GABBR2: variants seen among roughly 807,000 people sequenced by gnomAD.
GABBR2 encodes G-protein coupled receptor 51.
Under a neutral mutation model 105.6 loss-of-function variants are expected in GABBR2, and 23 were observed. The ratio of observed to expected loss-of-function variants is 0.22; its 90% CI spans 0.16 to 0.31. GABBR2 has a LOEUF of 0.31. GABBR2 is among the 10% of genes least tolerant of loss of function. GABBR2 has a pLI of 1.00. For missense variants in GABBR2, 734 were observed against 1,245.5 expected, an observed-to-expected ratio of 0.59 and a Z score of 6.18; for synonymous variants, 478 against 499.7, an observed-to-expected ratio of 0.96 and a Z score of 0.58.
rs540589757 is a variant in GABBR2, at chr9:98,339,787, C to G, written c.1893+22928G>C. 3.3e-5 allele frequency among the ~76,000 whole-genome samples: 5 copies of G among 152,284 alleles called. No homozygotes were observed. In the South Asian group the frequency reaches 8.3e-4, roughly 25 times the overall value. On this transcript the variant is annotated intron_variant, in intron 13 of 18. Transcript: ENST00000259455. The stretch of plus-strand genomic sequence containing the variant: ...TGAATGAAACACAACCCTCCCTCCC[C>G]CTGTATTCTCATGGAGCTCACATTC...
intron 13 of GABBR2, among the ~76,000 whole-genome samples, chr9:98,342,382 C>T (rs893318294): frequency 2.0e-5 from 3 of 152,142 alleles, no homozygotes; most frequent in East Asian, 3.9e-4. Flanking sequence ...AGAGATAAGG[C>T]TAGGGAGGCG....
chr9:98,333,768 T>C (rs80200747), intron 13 of GABBR2, among the ~76,000 whole-genome samples: 6,025 of 152,304 alleles, frequency 0.04, 158 homozygotes, highest in Middle Eastern at 0.044. Context: ...CTAACCTAAC[T>C]TCACACAGTA....
At chr9:98,658,219 G>A (rs529722770) in intron 1 of GABBR2, among the ~76,000 whole-genome samples, 12 of 152,230 alleles carry the variant, frequency 7.9e-5, no homozygotes, top group African/African-American at 2.6e-4. Context: ...CACCACGGGC[G>A]GTTTCCACTG....
intron 1 of GABBR2, among the ~76,000 whole-genome samples, chr9:98,648,080 G>GTGTGTGTGTGTGTGTGTGT (rs1830050203): frequency 4.4e-5 from 3 of 67,976 alleles, no homozygotes; most frequent in African/African-American, 1.9e-4. Flanking sequence ...AATCATACAG[G>GTGTGTGTGTGTGTGTGTGT]GTGTGTGTGT....
chr9:98,490,680 T>C (rs1266858342), intron 4 of GABBR2, among the ~76,000 whole-genome samples: 3 of 152,200 alleles, frequency 2.0e-5, no homozygotes, highest in African/African-American at 7.2e-5. Flanking sequence ...AATGGAAATA[T>C]GAATATAGGG....
At chr9:98,307,041 A>G (rs946354272) in intron 14 of GABBR2, among the ~76,000 whole-genome samples, 8 of 152,188 alleles carry the variant, frequency 5.3e-5, no homozygotes, top group Non-Finnish European at 1.2e-4. Context: ...CTTAGATCAC[A>G]AGGCTATGAC....
intron 2 of GABBR2, among the ~76,000 whole-genome samples, chr9:98,564,706 G>C (rs1238481116): frequency 2.6e-5 from 4 of 152,192 alleles, no homozygotes; most frequent in Admixed American, 1.3e-4. Context: ...CAATTCCTGA[G>C]CACCTACTTG....
intron 2 of GABBR2, among the ~76,000 whole-genome samples, chr9:98,577,538 G>C (rs987986892): frequency 2.0e-5 from 3 of 152,214 alleles, no homozygotes; most frequent in African/African-American, 7.2e-5. Context: ...AACGGTGAGA[G>C]CAGGGCTCTG....
intron 13 of GABBR2, among the ~76,000 whole-genome samples, chr9:98,355,412 G>GA (rs145887368): frequency 0.033 from 5,064 of 152,228 alleles, 120 homozygotes; most frequent in Middle Eastern, 0.048. Flanking sequence ...GCAATAAAGT[G>GA]AGGTATGCCT....
intron 13 of GABBR2, among the ~76,000 whole-genome samples, chr9:98,347,537 T>C (rs1831322065): frequency 1.3e-5 from 2 of 152,232 alleles, no homozygotes; most frequent in South Asian, 2.1e-4. Context: ...CTTCACTCTG[T>C]TGATTGTTTC....
At chr9:98,417,469 C>A (rs1439832984) in intron 7 of GABBR2, among the ~76,000 whole-genome samples, 1 of 152,158 alleles carries the variant, frequency 6.6e-6, no homozygotes, top group African/African-American at 2.4e-5. Flanking sequence ...TACAATTAAA[C>A]CAGAAAGGGC....
At chr9:98,516,665 C>T (rs1827762245) in intron 3 of GABBR2, among the ~76,000 whole-genome samples, 1 of 152,182 alleles carries the variant, frequency 6.6e-6, no homozygotes, top group Non-Finnish European at 1.5e-5. Context: ...CCATTCCTGA[C>T]CCCGAGGGTG....
intron 16 of GABBR2, among the ~76,000 whole-genome samples, chr9:98,300,665 T>C (rs10985791): frequency 0.22 from 33,715 of 152,180 alleles, 4,190 homozygotes; most frequent in East Asian, 0.35. Flanking sequence ...TGGGGCATTT[T>C]AGGCCTCAGG....
intron 8 of GABBR2, among the ~76,000 whole-genome samples, chr9:98,400,924 C>T (rs1415544745): frequency 6.6e-6 from 1 of 152,018 alleles, no homozygotes; most frequent in Non-Finnish European, 1.5e-5. Context: ...GATAAATGGA[C>T]ACACAAGAGG....
chr9:98,464,528 G>T (rs920449601), intron 6 of GABBR2, among the ~76,000 whole-genome samples: 1 of 151,566 alleles, frequency 6.6e-6, no homozygotes, highest in East Asian at 2.0e-4. Context: ...TCTGGGAGGT[G>T]GGGGGCGCCT....
chr9:98,513,332 G>A (rs1827689647), intron 3 of GABBR2, among the ~76,000 whole-genome samples: 1 of 152,160 alleles, frequency 6.6e-6, no homozygotes, highest in South Asian at 2.1e-4. Flanking sequence ...ATAAGATTCA[G>A]GACATAGGCA....
At chr9:98,540,128 G>A (rs1199098126) in intron 3 of GABBR2, among the ~76,000 whole-genome samples, 5 of 152,130 alleles carry the variant, frequency 3.3e-5, no homozygotes, top group East Asian at 1.9e-4. Context: ...AGTCACTCCC[G>A]CTGGAGGTCA....
chr9:98,580,077 A>G (rs1157472652), intron 1 of GABBR2, among the ~76,000 whole-genome samples: 3 of 152,110 alleles, frequency 2.0e-5, no homozygotes, highest in South Asian at 2.1e-4. Flanking sequence ...CTGACTCCCA[A>G]TCTGGCCTGA....
chr9:98,341,194 G>A (rs959900884), intron 13 of GABBR2, among the ~76,000 whole-genome samples: 1 of 152,322 alleles, frequency 6.6e-6, no homozygotes, highest in South Asian at 2.1e-4. Flanking sequence ...CACACAAGAT[G>A]TTCCAGAATC....
Sources: allele counts gnomAD v4.1 joint callset (sites outside exome capture counted in the v4.1 genomes callset), GRCh38; gene constraint gnomAD v4.1.1; transcripts MANE v1.5; gene names NCBI Gene and HGNC (gene_info 2026-07-23, HGNC 2026-07-21).